CCND2: variants seen among roughly 807,000 people sequenced by gnomAD.
CCND2 encodes cyclin D2.
In CCND2, 6 loss-of-function variants were observed where a neutral mutation model predicts 30.2. That is an observed-to-expected ratio of 0.20 (90% CI 0.11 to 0.39). The LOEUF is 0.39. Among genes scored for constraint, CCND2 ranks in the 10% least tolerant of loss-of-function variants. The pLI, the probability that CCND2 is intolerant of heterozygous loss-of-function variation, is 1.00. For synonymous variants in CCND2, 150 were observed against 153.1 expected (o/e 0.98, Z 0.15); for missense variants, 235 against 373.4 (o/e 0.63, Z 3.06).
intron 4 of CCND2, among the ~76,000 whole-genome samples, chr12:4,298,489 C>T (rs1311535031): frequency 1.3e-5 from 2 of 152,162 alleles, no homozygotes; most frequent in African/African-American, 2.4e-5. Flanking sequence ...TTCAGCTTCC[C>T]GCCTCAGCCT....
At position 4,301,981 on chromosome 12, in the gene CCND2, G is replaced by A. The variant is rs570644439; in HGVS notation, c.*1972G>A. The A allele has an allele frequency of 4.0e-5, 9 of 223,770 alleles. No homozygotes were observed. The highest frequency in any genetic ancestry group is 1.9e-4 in the South Asian group (1 of 5,360). 13.9% of individuals were successfully genotyped at this position (223,770 alleles called of 1,614,324 possible). A position where few individuals can be genotyped will look rare whatever the true frequency, so the allele number is the denominator to read the frequency against. On this transcript the variant is annotated 3_prime_UTR_variant, in exon 5 of 5. Transcript: ENST00000261254. ...TCCTCTGATCACATTCTTCAAAGAC[G>A]GAGTATTCTTTACCTCAGGTTTACT...
Position 4,299,906 on chromosome 12 carries a change from A to G in CCND2, c.767A>G (p.Asn256Ser), listed in dbSNP as rs1331853855. The G allele has an allele frequency of 1.9e-6, 3 of 1,614,186 alleles. No homozygotes were observed. The highest frequency in any genetic ancestry group is 1.3e-5 in the African/African-American group (1 of 75,058). ...CQEQIEAVLLNSLQQYRQDQR... is the reference protein window; with the variant it reads ...CQEQIEAVLLSSLQQYRQDQR... ...GAGCAGATTGAGGCGGTGCTCCTCA[A>G]TAGCCTGCAGCAGTACCGTCAGGAC... is the stretch of plus-strand genomic sequence containing the variant. The change falls in exon 5 of 5, where the codon AAT becomes AGT. Residue 256 changes from asparagine to serine, a missense_variant. Around this residue, in one of 2 missense-constraint regions of CCND2, gnomAD observed 57 missense variants for 50.7 expected, o/e 1.12. Coordinates refer to ENST00000261254, the MANE Select transcript of CCND2 (RefSeq NM_001759.4). The surrounding 1 kb of genome is among the most constrained non-coding windows in gnomAD (Gnocchi z 5.2).
At position 4,293,636 on chromosome 12, in the gene CCND2, C is replaced by T. The variant is rs947746187; in HGVS notation, c.720+4646C>T. On this transcript the variant is annotated intron_variant, in intron 4 of 4. Coordinates refer to ENST00000261254, the MANE Select transcript of CCND2 (RefSeq NM_001759.4). The surrounding 1 kb of genome is among the most constrained non-coding windows in gnomAD (Gnocchi z 4.9). ...TCCTTAGGGTCATCCTGGCATTTTA[C>T]GGTCCTGGTTATCAATGAGCTATTA... 6.6e-6 allele frequency among the ~76,000 whole-genome samples: 1 copy of T among 152,114 alleles called. No individual in the cohort carries two copies. The highest frequency in any genetic ancestry group is 1.5e-5 in the Non-Finnish European group (1 of 68,018).
At position 4,274,210 on chromosome 12, in the gene CCND2, G is replaced by C. The variant is rs1863828145; in HGVS notation, c.170G>C (p.Arg57Thr). The C allele has an allele frequency of 6.2e-7, 1 of 1,613,962 alleles. No individual in the cohort carries two copies. Among genetic ancestry groups the C allele is most frequent in the South Asian group, 1.1e-5 (1 of 91,086 alleles). Reference protein sequence around the residue: ...VQKDIQPYMRRMVATWMLEVC... With the variant: ...VQKDIQPYMRTMVATWMLEVC... ...AAGGACATCCAACCCTACATGCGCA[G>C]AATGGTGGCCACCTGGATGCTGGAG... The change falls in exon 1 of 5, where the codon AGA becomes ACA. Residue 57 changes from arginine to threonine, a missense_variant. By Grantham distance (71) the Arg-to-Thr change is moderately conservative. This residue lies in a region of CCND2 where 178 missense variants were observed against 322.8 expected (regional missense o/e 0.55). Transcript: ENST00000261254. The surrounding 1 kb of genome is among the most constrained non-coding windows in gnomAD (Gnocchi z 7.7).
chr12:4,303,571 T>C lies in CCND2; in HGVS notation c.*3562T>C. 1 of 233,732 alleles carries C rather than the reference T, an allele frequency of 4.3e-6. No individual in the cohort carries two copies. The highest frequency in any genetic ancestry group is 8.5e-6 in the Non-Finnish European group (1 of 118,072). The allele number at this position is 233,732 out of a possible 1,614,324, so 14.5% of individuals were successfully genotyped here. On this transcript the variant is annotated 3_prime_UTR_variant, in exon 5 of 5. Transcript: ENST00000261254. This position sits in a 1 kb window ranked among gnomAD's most constrained non-coding sequence, Gnocchi z 4.6. ...GAGTTGTTCCCCCAGCCTGCCAAATTTTGATCCTTCCCCTCTTTTGGCCAA... is the reference window on the plus strand; with the variant it reads ...GAGTTGTTCCCCCAGCCTGCCAAATCTTGATCCTTCCCCTCTTTTGGCCAA...
intron 2 of CCND2, among the ~76,000 whole-genome samples, chr12:4,278,128 G>T (rs2120529740): frequency 6.6e-6 from 1 of 152,310 alleles, no homozygotes; most frequent in South Asian, 2.1e-4. Context: ...TGATGACAAT[G>T]GCCTGTGAAA....
In CCND2 at chr12:4,274,556, G is replaced by T. The variant is rs950185124; in HGVS notation, c.195+321G>T. 6.6e-6 allele frequency among the ~76,000 whole-genome samples: 1 copy of T among 152,098 alleles called. No individual in the cohort carries two copies. The highest frequency in any genetic ancestry group is 1.5e-5 in the Non-Finnish European group (1 of 68,018). On this transcript the variant is annotated intron_variant, in intron 1 of 4. Coordinates refer to ENST00000261254, the MANE Select transcript of CCND2 (RefSeq NM_001759.4). This position sits in a 1 kb window ranked among gnomAD's most constrained non-coding sequence, Gnocchi z 7.7. ...CTCGCGACCTGTCTTTTGCGAAGCC[G>T]CCGCGGCTGCTTGCGCTGCGGCCAG...
Position 4,285,136 on chromosome 12 carries a change from G to C in CCND2, c.572-3706G>C, listed in dbSNP as rs747380761. The C allele has an allele frequency of 9.5e-5, 18 of 190,192 alleles. No individual in the cohort carries two copies. Among genetic ancestry groups the C allele is most frequent in the Non-Finnish European group, 1.5e-4 (15 of 102,826 alleles). 11.8% of individuals were successfully genotyped at this position (190,192 alleles called of 1,614,324 possible). A position where few individuals can be genotyped will look rare whatever the true frequency, so the allele number is the denominator to read the frequency against. The stretch of plus-strand genomic sequence containing the variant: ...ACCATCCTCTACTATCTAATGCATT[G>C]ATGCCCAGCCTTAAGAAGTCTGAAT... On this transcript the variant is annotated intron_variant, in intron 3 of 4. Transcript: ENST00000261254. The surrounding 1 kb of genome is among the most constrained non-coding windows in gnomAD (Gnocchi z 4.1).
Position 4,276,257 on chromosome 12 carries a change from T to C in CCND2, c.411+37T>C. ...CCCCTTCCTCCCTTCCTTTCTGCGA[T>C]TCCCGCTTTCCCCTGGCCAACAATA... On this transcript the variant is annotated intron_variant, in intron 2 of 4. Coordinates refer to ENST00000261254, the MANE Select transcript of CCND2 (RefSeq NM_001759.4). The surrounding 1 kb of genome is among the most constrained non-coding windows in gnomAD (Gnocchi z 4.8). The C allele has an allele frequency of 6.4e-7, 1 of 1,565,084 alleles. No individual in the cohort carries two copies. Among genetic ancestry groups the C allele is most frequent in the Non-Finnish European group, 8.8e-7 (1 of 1,142,110 alleles).
At chr12:4,290,438 T>C (rs1260449619) in intron 4 of CCND2, among the ~76,000 whole-genome samples, 1 of 152,190 alleles carries the variant, frequency 6.6e-6, no homozygotes, top group Non-Finnish European at 1.5e-5. Flanking sequence ...GGACTTAACG[T>C]TTATAGAAAT....
chr12:4,273,921 T>G lies in CCND2; in HGVS notation c.-120T>G. 1.0e-6 allele frequency: 1 copy of G among 967,622 alleles called. No individual in the cohort carries two copies. Among genetic ancestry groups the G allele is most frequent in the Non-Finnish European group, 1.5e-6 (1 of 665,420 alleles). 59.9% of individuals were successfully genotyped at this position (967,622 alleles called of 1,614,324 possible). A position where few individuals can be genotyped will look rare whatever the true frequency, so the allele number is the denominator to read the frequency against. On this transcript the variant is annotated 5_prime_UTR_variant, in exon 1 of 5. Coordinates refer to ENST00000261254, the MANE Select transcript of CCND2 (RefSeq NM_001759.4). This position sits in a 1 kb window ranked among gnomAD's most constrained non-coding sequence, Gnocchi z 5.9. ...CCTCACCTCTCCCCCGAAAACCCCC[T>G]ATTTAGCCAAAGGAAGGAGGTCAGG...
chr12:4,296,684 T>C (rs10849028), intron 4 of CCND2, among the ~76,000 whole-genome samples: 17 of 144,938 alleles, frequency 1.2e-4, no homozygotes, highest in African/African-American at 4.1e-4. Context: ...ATACTCCGAT[T>C]TAGTCCCTCT....
Position 4,282,227 on chromosome 12 carries a change from G to C in CCND2, c.571+3308G>C, listed in dbSNP as rs1048608703. 2.0e-5 allele frequency among the ~76,000 whole-genome samples: 3 copies of C among 152,158 alleles called. No individual in the cohort carries two copies. The highest frequency in any genetic ancestry group is 1.3e-4 in the Admixed American group (2 of 15,280). ...GCATTGAGTTTACACCTGGCACCGG[G>C]TAGGGGGAGGTGCTCACCCTCCCTC... On this transcript the variant is annotated intron_variant, in intron 3 of 4. Coordinates refer to ENST00000261254, the MANE Select transcript of CCND2 (RefSeq NM_001759.4). The surrounding 1 kb of genome is among the most constrained non-coding windows in gnomAD (Gnocchi z 4.3).
chr12:4,300,832 G>A lies in CCND2; in HGVS notation c.*823G>A, dbSNP rs1388940367. Reference sequence around the variant, plus strand: ...GGAGGCAGATGGAGACCAAGGGTGGGATCCAGAATGGAGTCTTTTCTGTTA... The same window carrying A: ...GGAGGCAGATGGAGACCAAGGGTGGAATCCAGAATGGAGTCTTTTCTGTTA... On this transcript the variant is annotated 3_prime_UTR_variant, in exon 5 of 5. Coordinates refer to ENST00000261254, the MANE Select transcript of CCND2 (RefSeq NM_001759.4). 1 of 233,626 alleles carries A rather than the reference G, an allele frequency of 4.3e-6. No individual in the cohort carries two copies. The highest frequency in any genetic ancestry group is 2.2e-5 in the African/African-American group (1 of 45,354). 14.5% of individuals were successfully genotyped at this position (233,626 alleles called of 1,614,324 possible).
chr12:4,277,213 AG>A (rs1863886882), intron 2 of CCND2, among the ~76,000 whole-genome samples: 1 of 152,214 alleles, frequency 6.6e-6, no homozygotes, highest in African/African-American at 2.4e-5. Context: ...GCCAGGTTTT[AG>A]CTGCTTCTGG....
At chr12:4,281,685 G>A (rs1863950310) in intron 3 of CCND2, among the ~76,000 whole-genome samples, 2 of 152,162 alleles carry the variant, frequency 1.3e-5, no homozygotes, top group South Asian at 4.1e-4. Context: ...GATGGGAAAA[G>A]CTGGTTGTGA....
rs756621140 is a variant in CCND2 at position 4,278,609 on chromosome 12, G to T, written c.412-151G>T. The T allele has an allele frequency of 2.3e-5, 14 of 597,638 alleles. No homozygotes were observed. The East Asian group carries it at 4.1e-4, about 17-fold the overall frequency. The allele number at this position is 597,638 out of a possible 1,614,324, so 37.0% of individuals were successfully genotyped here. A position where few individuals can be genotyped will look rare whatever the true frequency, so the allele number is the denominator to read the frequency against. On this transcript the variant is annotated intron_variant, in intron 2 of 4. Coordinates refer to ENST00000261254, the MANE Select transcript of CCND2 (RefSeq NM_001759.4). ...TGTCAACAACTTCAAAGCTTCAGGGGCACATTGACAAATGGGCCCGCCTTA... is the reference window on the plus strand; with the variant it reads ...TGTCAACAACTTCAAAGCTTCAGGGTCACATTGACAAATGGGCCCGCCTTA...
In CCND2 at chr12:4,302,174, G is replaced by A. The variant is rs1864259413; in HGVS notation, c.*2165G>A. 4.3e-6 allele frequency: 1 copy of A among 233,188 alleles called. No homozygotes were observed. Among genetic ancestry groups the A allele is most frequent in the African/African-American group, 2.2e-5 (1 of 45,364 alleles). 14.4% of individuals were successfully genotyped at this position (233,188 alleles called of 1,614,324 possible). A position where few individuals can be genotyped will look rare whatever the true frequency, so the allele number is the denominator to read the frequency against. On this transcript the variant is annotated 3_prime_UTR_variant, in exon 5 of 5. Transcript: ENST00000261254. ...AAGGCAGGGCGGTCTCACTCCCAGGGACCTTTTTGGTCATGGAGGCCATCG... is the reference window on the plus strand; with the variant it reads ...AAGGCAGGGCGGTCTCACTCCCAGGAACCTTTTTGGTCATGGAGGCCATCG...
chr12:4,286,141 C>T, intron 3 of CCND2, among the ~76,000 whole-genome samples: 1 of 152,154 alleles, frequency 6.6e-6, no homozygotes. Context: ...CAAACTGATA[C>T]AAAAGTTTCT....
Sources: allele counts gnomAD v4.1 joint callset (sites outside exome capture counted in the v4.1 genomes callset), GRCh38; gene constraint gnomAD v4.1.1; regional missense constraint gnomAD v4.1.1; non-coding constraint Gnocchi (gnomAD v3.1); transcripts MANE v1.5; gene names NCBI Gene and HGNC (gene_info 2026-07-23, HGNC 2026-07-21).